Variants in ZBTB20 observed in about 807,000 individuals in gnomAD.
ZBTB20 encodes zinc finger and BTB domain containing 20, also known as zinc finger and BTB domain-containing protein 20.
In ZBTB20, 9 loss-of-function variants were observed where a neutral mutation model predicts 56.9. The ratio of observed to expected loss-of-function variants is 0.16; its 90% CI spans 0.10 to 0.28. The LOEUF (loss-of-function observed/expected upper bound fraction) is 0.28, where lower values mean the gene tolerates loss of function less well. Ranked by LOEUF, ZBTB20 falls within the 10% of genes least tolerant of loss-of-function variation. The pLI is 1.00. For missense variants in ZBTB20, 655 were observed against 1,003.0 expected (o/e 0.65, Z 4.69); for synonymous variants, 417 against 420.7 (o/e 0.99, Z 0.11).
At chr3:114,959,457 T>C (rs955002522) in intron 3 of ZBTB20, among the ~76,000 whole-genome samples, 1 of 151,818 alleles carries the variant, frequency 6.6e-6, no homozygotes, top group Non-Finnish European at 1.5e-5. Flanking sequence ...TTAAAAAATA[T>C]CCAAAGGAAG....
At chr3:114,439,171 A>C (rs2090742164) in intron 7 of ZBTB20, among the ~76,000 whole-genome samples, 1 of 152,070 alleles carries the variant, frequency 6.6e-6, no homozygotes, top group South Asian at 2.1e-4. Flanking sequence ...ATTTTCTAAA[A>C]ACACAAATTT....
intron 1 of ZBTB20, among the ~76,000 whole-genome samples, chr3:115,088,392 A>T (rs72945757): frequency 0.18 from 27,100 of 151,634 alleles, 4,105 homozygotes; most frequent in African/African-American, 0.41. Flanking sequence ...CAAGACCATA[A>T]CCCTGGTTAG....
intron 5 of ZBTB20, among the ~76,000 whole-genome samples, chr3:114,702,621 A>G (rs2063463816): frequency 6.6e-6 from 1 of 151,768 alleles, no homozygotes; most frequent in South Asian, 2.1e-4. Context: ...ATCTAATCCT[A>G]AAACATTTTT....
At position 114,371,998 on chromosome 3, in the gene ZBTB20, G is replaced by A. The variant is rs374593413; in HGVS notation, c.199+8219C>T. On this transcript the variant is annotated intron_variant, in intron 10 of 11. Transcript: ENST00000675478. ...TATGGTACCTAGTGTGAGGTGACTG[G>A]TGGAAAGATCCGACTTGAAATTTCC... 3.9e-5 allele frequency among the ~76,000 whole-genome samples: 6 copies of A among 152,184 alleles called. No homozygotes were observed. The South Asian group carries it at 1.0e-3, about 26-fold the overall frequency.
At chr3:114,995,524 A>G (rs1305299022) in intron 2 of ZBTB20, among the ~76,000 whole-genome samples, 1 of 151,880 alleles carries the variant, frequency 6.6e-6, no homozygotes, top group African/African-American at 2.4e-5. Flanking sequence ...ACAAAAAATC[A>G]TATAAAGACC....
At chr3:114,756,309 T>C (rs1431778166) in intron 5 of ZBTB20, among the ~76,000 whole-genome samples, 1 of 152,134 alleles carries the variant, frequency 6.6e-6, no homozygotes. Context: ...AGCACTTCCA[T>C]TTAGGGAGAT....
chr3:114,355,906 A>T (rs1244493732), intron 10 of ZBTB20: 1 of 152,102 alleles, frequency 6.6e-6, no homozygotes, highest in Non-Finnish European at 1.5e-5. Context: ...CTTTACATAG[A>T]TTATGTGATC....
intron 4 of ZBTB20, among the ~76,000 whole-genome samples, chr3:114,886,371 G>A (rs2076601339): frequency 6.6e-6 from 1 of 152,148 alleles, no homozygotes; most frequent in South Asian, 2.1e-4. Context: ...ATAAAGACCT[G>A]GCCGATGCTA....
At chr3:114,506,840 C>T (rs988857078) in intron 6 of ZBTB20, among the ~76,000 whole-genome samples, 8 of 152,180 alleles carry the variant, frequency 5.3e-5, no homozygotes, top group Non-Finnish European at 4.4e-5. Flanking sequence ...CCCACTGCTG[C>T]TTCTTTATAT....
intron 2 of ZBTB20, among the ~76,000 whole-genome samples, chr3:115,050,598 C>T (rs1474197871): frequency 6.6e-6 from 1 of 151,824 alleles, no homozygotes; most frequent in Non-Finnish European, 1.5e-5. Flanking sequence ...CCTAGGGGTC[C>T]TCTGAATCTC....
chr3:114,489,579 G>C (rs967280477), intron 7 of ZBTB20, among the ~76,000 whole-genome samples: 2 of 152,064 alleles, frequency 1.3e-5, no homozygotes, highest in Non-Finnish European at 2.9e-5. Flanking sequence ...GCTCAGGCAT[G>C]TTAAAATCTA....
intron 1 of ZBTB20, among the ~76,000 whole-genome samples, chr3:115,121,459 C>G (rs1397287993): frequency 1.3e-5 from 2 of 151,506 alleles, no homozygotes; most frequent in African/African-American, 4.9e-5. Context: ...TTCATTGATA[C>G]TCTAGCCAAA....
chr3:115,031,575 G>A (rs556322173), intron 2 of ZBTB20, among the ~76,000 whole-genome samples: 1 of 151,442 alleles, frequency 6.6e-6, no homozygotes, highest in East Asian at 1.9e-4. Flanking sequence ...TGCCAAAAAG[G>A]AAAGTCATCT....
chr3:114,423,892 G>T (rs1444496372), intron 7 of ZBTB20, among the ~76,000 whole-genome samples: 1 of 152,190 alleles, frequency 6.6e-6, no homozygotes, highest in Non-Finnish European at 1.5e-5. Flanking sequence ...AAATGTATGT[G>T]TATGATTCAA....
chr3:114,854,365 T>G (rs1263076675), intron 4 of ZBTB20, among the ~76,000 whole-genome samples: 2 of 152,240 alleles, frequency 1.3e-5, no homozygotes, highest in Non-Finnish European at 2.9e-5. Context: ...ATGATTCTTT[T>G]GTGTGTTTTT....
intron 6 of ZBTB20, among the ~76,000 whole-genome samples, chr3:114,594,222 AGT>A (rs1036826155): frequency 6.6e-6 from 1 of 151,876 alleles, no homozygotes; most frequent in Non-Finnish European, 1.5e-5. Flanking sequence ...GTAGTTCCAA[AGT>A]GTGTCTATAG....
intron 11 of ZBTB20, among the ~76,000 whole-genome samples, chr3:114,341,895 G>A (rs2079803407): frequency 6.6e-6 from 1 of 152,186 alleles, no homozygotes; most frequent in African/African-American, 2.4e-5. Flanking sequence ...TGACCCAAGG[G>A]CAACCTACTT....
chr3:114,712,790 T>C (rs1383693442), intron 5 of ZBTB20, among the ~76,000 whole-genome samples: 1 of 152,130 alleles, frequency 6.6e-6, no homozygotes, highest in Non-Finnish European at 1.5e-5. Flanking sequence ...TGACAAAATA[T>C]ATAATGTAAC....
At chr3:114,866,869 T>C (rs664244) in intron 4 of ZBTB20, among the ~76,000 whole-genome samples, 131,902 of 152,160 alleles carry the variant, frequency 0.87, 58,200 homozygotes, top group East Asian at 0.99. Flanking sequence ...CTCTCTGGGG[T>C]CTCTAGCTTT....
Sources: allele counts gnomAD v4.1 joint callset (sites outside exome capture counted in the v4.1 genomes callset), GRCh38; gene constraint gnomAD v4.1.1; transcripts MANE v1.5; gene names NCBI Gene and HGNC (gene_info 2026-07-23, HGNC 2026-07-21).